ZNF589: variants seen among roughly 807,000 people sequenced by gnomAD.
ZNF589 encodes KRAB-zinc finger protein SZF1-1.
In ZNF589, 17 loss-of-function variants were observed where a neutral mutation model predicts 13.6. That is an observed-to-expected ratio of 1.25 (90% CI 0.86 to 1.88). The LOEUF (loss-of-function observed/expected upper bound fraction) is 1.88. Among genes scored for constraint, ZNF589 ranks in the 40% most tolerant of loss-of-function variants. The pLI, the probability that ZNF589 is intolerant of heterozygous loss-of-function variation, is 0.00. For synonymous variants in ZNF589, 148 were observed against 161.6 expected (o/e 0.92, Z 0.64); for missense variants, 407 against 434.0 (o/e 0.94, Z 0.55).
intron 2 of ZNF589, among the ~76,000 whole-genome samples, chr3:48,251,744 T>A (rs1023225365): frequency 6.6e-6 from 1 of 152,062 alleles, no homozygotes; most frequent in African/African-American, 2.4e-5. Flanking sequence ...GATACTTTTG[T>A]TAAAAATCAA....
intron 2 of ZNF589, 91 bp from the exon 3 acceptor site, chr3:48,260,722 T>G: frequency 6.3e-7 from 1 of 1,580,306 alleles, no homozygotes; most frequent in Non-Finnish European, 8.6e-7. Context: ...ATCAATTTCT[T>G]ATGTAGCTAG....
intron 2 of ZNF589, among the ~76,000 whole-genome samples, chr3:48,255,800 C>T (rs946861610): frequency 5.3e-5 from 8 of 151,106 alleles, no homozygotes; most frequent in African/African-American, 1.9e-4. Context: ...GAGACGGGGT[C>T]TTGCCATGTT....
chr3:48,251,823 G>A (rs1165575025), intron 2 of ZNF589, among the ~76,000 whole-genome samples: 2 of 151,826 alleles, frequency 1.3e-5, no homozygotes, highest in Admixed American at 6.6e-5. Flanking sequence ...CAGGTGGATC[G>A]CTTGAGCCCA....
intron 2 of ZNF589, 47 bp from the exon 3 acceptor site, chr3:48,260,766 G>A: frequency 1.2e-6 from 2 of 1,611,972 alleles, no homozygotes; most frequent in Non-Finnish European, 1.7e-6. Flanking sequence ...TTTTCACTGT[G>A]AATCTTAATG....
At position 48,269,254 on chromosome 3, in the gene ZNF589, A is replaced by G. The variant is rs2034062006; in HGVS notation, c.*468A>G. 13 of 1,556,984 alleles carry G rather than the reference A, an allele frequency of 8.3e-6. No individual in the cohort carries two copies. In the Admixed American group the frequency reaches 1.2e-4, roughly 14 times the overall value. On this transcript the variant is annotated 3_prime_UTR_variant, in exon 4 of 4. Transcript: ENST00000354698. ...CACAGCTCATCAGACACCAGAGGAC[A>G]CACACAGGAGAAAAGCCTTATGTCT...
chr3:48,258,897 T>C (rs1211635431), intron 2 of ZNF589, among the ~76,000 whole-genome samples: 3 of 152,190 alleles, frequency 2.0e-5, no homozygotes, highest in African/African-American at 7.2e-5. Context: ...GCCTGTTGTT[T>C]TATGTTTCAG....
Position 48,248,183 on chromosome 3 carries a change from AATCCAAGGCATC to A in ZNF589, c.96+509_96+520del, listed in dbSNP as rs377727427. Among the ~76,000 whole-genome samples the A allele has an allele frequency of 3.1e-4, 47 of 152,360 alleles. 1 individual carries two copies. Among genetic ancestry groups the A allele is most frequent in the African/African-American group, 1.1e-3 (47 of 41,586 alleles). ...TCTCCATTCCCACTGGATTAAAGAA[AATCCAAGGCATC>A]ATACCATTTAATCCATAAATATTTC... On this transcript the variant is annotated intron_variant, in intron 2 of 3. Coordinates refer to ENST00000354698, the MANE Select transcript of ZNF589 (RefSeq NM_016089.3).
intron 3 of ZNF589, among the ~76,000 whole-genome samples, chr3:48,265,271 C>A (rs887463585): frequency 1.5e-4 from 7 of 47,838 alleles, no homozygotes; most frequent in Non-Finnish European, 2.0e-4. Context: ...TGTGCCCGGC[C>A]TTTTTTTTTT....
At chr3:48,263,458 T>G (rs573358194) in intron 3 of ZNF589, among the ~76,000 whole-genome samples, 2 of 152,242 alleles carry the variant, frequency 1.3e-5, no homozygotes, top group African/African-American at 4.8e-5. Flanking sequence ...TAAAACATTC[T>G]GCAGCTGGGT....
chr3:48,241,264 G>A (rs1288776235), intron 1 of ZNF589, 50 bp downstream of exon 1: 1 of 1,601,166 alleles, frequency 6.2e-7, no homozygotes, highest in South Asian at 1.1e-5. Flanking sequence ...TCCAGCCGCA[G>A]GCGCCGCGCA....
In ZNF589 at chr3:48,268,459, C is replaced by T. The variant is rs1295916977; in HGVS notation, c.768C>T (p.Gly256=). Residue 256 remains glycine, a synonymous_variant, in exon 4 of 4, where the codon GGC becomes GGT. Transcript: ENST00000354698. ...QSQVCRECGR[G]FSRKSQLIIH... ...AGGTGTGCAGGGAGTGTGGGCGAGG[C>T]TTTAGCAGGAAGTCACAGCTCATCA... The T allele has an allele frequency of 6.2e-7, 1 of 1,613,954 alleles. No homozygotes were observed. The highest frequency in any genetic ancestry group is 2.2e-5 in the East Asian group (1 of 44,880).
At chr3:48,257,014 C>T (rs2033910996) in intron 2 of ZNF589, 1 of 560,204 alleles carries the variant, frequency 1.8e-6, no homozygotes, top group African/African-American at 1.9e-5. Context: ...TATAATAAAC[C>T]CAAGTGTGGT....
Position 48,259,918 on chromosome 3 carries a change from CAAAAAA to C in ZNF589, c.97-881_97-876del, listed in dbSNP as rs538817691. Reference sequence around the variant, plus strand: ...TGGGTGACAGAGTGAGACTCCGTATCAAAAAAAAAAAAAAAAAAATCTAGGGCAAGT... The same window carrying C: ...TGGGTGACAGAGTGAGACTCCGTATCAAAAAAAAAAAAATCTAGGGCAAGT... On this transcript the variant is annotated intron_variant, in intron 2 of 3. Transcript: ENST00000354698. Among the ~76,000 whole-genome samples, 4 of 98,152 alleles carry C rather than the reference CAAAAAA, an allele frequency of 4.1e-5. No individual in the cohort carries two copies. The East Asian group carries it at 1.3e-3, about 32-fold the overall frequency. The allele number at this position is 98,152 out of a possible 152,430, so 64.4% of individuals were successfully genotyped here. A position where few individuals can be genotyped will look rare whatever the true frequency, so the allele number is the denominator to read the frequency against.
At chr3:48,250,313 T>C (rs942983223) in intron 2 of ZNF589, among the ~76,000 whole-genome samples, 3 of 149,346 alleles carry the variant, frequency 2.0e-5, no homozygotes, top group African/African-American at 4.9e-5. Flanking sequence ...TTTCTTTTTT[T>C]TTTTTTTTTT....
intron 2 of ZNF589, among the ~76,000 whole-genome samples, chr3:48,250,345 T>C (rs2033824127): frequency 6.7e-6 from 1 of 148,432 alleles, no homozygotes. Flanking sequence ...TAGAGACGGG[T>C]CTCACTATGT....
intron 1 of ZNF589, 68 bp downstream of exon 1, chr3:48,241,282 G>A: frequency 6.3e-7 from 1 of 1,582,462 alleles, no homozygotes; most frequent in Non-Finnish European, 8.6e-7. Context: ...GCAGGCGTCG[G>A]CCGTATCCAC....
chr3:48,253,530 C>T (rs1396302653), intron 2 of ZNF589, among the ~76,000 whole-genome samples: 3 of 142,390 alleles, frequency 2.1e-5, no homozygotes, highest in Admixed American at 7.2e-5. Flanking sequence ...GACGGAGTCT[C>T]GCTCTGTCGC....
chr3:48,251,577 GTTTAA>G (rs938724053), intron 2 of ZNF589, among the ~76,000 whole-genome samples: 6 of 151,272 alleles, frequency 4.0e-5, no homozygotes, highest in Non-Finnish European at 8.8e-5. Context: ...AAAAGAAACT[GTTTAA>G]TTTAAGATCA....
chr3:48,269,206 TG>T lies in ZNF589; in HGVS notation c.*423del. ...AGAAGCCTTATGCATGCACGGAGTG[TG>T]GGCAAGGCTTTATCACGAAATCACA... On this transcript the variant is annotated 3_prime_UTR_variant, in exon 4 of 4. Coordinates refer to ENST00000354698, the MANE Select transcript of ZNF589 (RefSeq NM_016089.3). 1 of 1,328,318 alleles carries T rather than the reference TG, an allele frequency of 7.5e-7. No homozygotes were observed. The highest frequency in any genetic ancestry group is 1.1e-6 in the Non-Finnish European group (1 of 944,210). The allele number at this position is 1,328,318 out of a possible 1,614,324, so 82.3% of individuals were successfully genotyped here.
Sources: gnomAD v4.1 joint callset for allele counts (sites outside exome capture counted in the v4.1 genomes callset) on GRCh38, gnomAD v4.1.1 for gene constraint, MANE v1.5 for transcripts, NCBI Gene and HGNC (gene_info 2026-07-23, HGNC 2026-07-21) for gene names.